YIPF6: variants seen among roughly 807,000 people sequenced by gnomAD.
YIPF6 encodes the protein Yip1 domain family member 6.
YIPF6 carries 3 observed loss-of-function variants against 16.8 expected under a neutral mutation model. The observed-to-expected ratio is 0.18, with a 90% CI of 0.08 to 0.46. YIPF6 has a LOEUF of 0.46. Ranked by LOEUF, YIPF6 falls within the 20% of genes least tolerant of loss-of-function variation. The probability of loss-of-function intolerance (pLI) is 0.98; values close to 1 mark genes in which losing one functional copy is unlikely to be tolerated. For synonymous variants in YIPF6, 67 were observed against 61.9 expected (o/e 1.08, Z -0.38); for missense variants, 145 against 184.9 (o/e 0.78, Z 1.25).
At position 68,526,388 on chromosome X, in the gene YIPF6, C is replaced by T. The variant is rs752655593; in HGVS notation, c.592+3471C>T. ...AGCTTAAGGAGATTATGGGCTGAGA[C>T]GATGGGGTTTTCTAAATATACAATC... On this transcript the variant is annotated intron_variant, in intron 6 of 6. Transcript: ENST00000462683. Among the ~76,000 whole-genome samples, 248 of 111,710 alleles carry T rather than the reference C, an allele frequency of 2.2e-3. 1 individual carries two copies. The highest frequency in any genetic ancestry group is 0.013 in the South Asian group (35 of 2,654).
Position 68,522,906 on chromosome X carries a change from G to C in YIPF6, c.581G>C (p.Trp194Ser). Residue 194 changes from tryptophan (W) to serine (S), a missense_variant, in exon 6 of 7, where the codon TGG becomes TCG. Physicochemically the swap from Trp to Ser is radical, Grantham distance 177 (BLOSUM62 -3). Coordinates refer to ENST00000462683, the MANE Select transcript of YIPF6 (RefSeq NM_173834.4). ...RLFVVIVMFA[W>S]SIVASTAFLA... ...TTTGTGGTGATTGTGATGTTTGCCTGGTCTATAGTTGGTAAGTATGTACTT... is the reference window on the plus strand; with the variant it reads ...TTTGTGGTGATTGTGATGTTTGCCTCGTCTATAGTTGGTAAGTATGTACTT... The C allele has an allele frequency of 8.3e-7, 1 of 1,209,883 alleles. No individual in the cohort carries two copies. The highest frequency in any genetic ancestry group is 1.8e-5 in the South Asian group (1 of 56,675).
intron 5 of YIPF6, among the ~76,000 whole-genome samples, 155 bp downstream of exon 5, chrX:68,521,652 C>A (rs1602464796): frequency 1.8e-5 from 2 of 108,614 alleles, no homozygotes; most frequent in South Asian, 4.1e-4. Flanking sequence ...TGGCTTACTG[C>A]AGCCTCTATC....
rs1448481116 is a variant in YIPF6, at chrX:68,533,187, A to G, written c.*1188A>G. On this transcript the variant is annotated 3_prime_UTR_variant, in exon 7 of 7. Coordinates refer to ENST00000462683, the MANE Select transcript of YIPF6 (RefSeq NM_173834.4). ...TATTGATTTTAGACTTTATCAAGCT[A>G]ATTAGCTCCCCTTTAGATAAGTACA... 4 of 111,723 alleles carry G rather than the reference A, an allele frequency of 3.6e-5. No individual in the cohort carries two copies. The highest frequency in any genetic ancestry group is 7.5e-5 in the Non-Finnish European group (4 of 53,166). 9.2% of individuals were successfully genotyped at this position (111,723 alleles called of 1,213,427 possible).
intron 6 of YIPF6, among the ~76,000 whole-genome samples, chrX:68,528,612 G>A (rs2079158913): frequency 8.9e-6 from 1 of 111,863 alleles, no homozygotes; most frequent in Non-Finnish European, 1.9e-5. Flanking sequence ...TTTTGCAGTG[G>A]CTGGTACTGG....
rs915766134 is a variant in YIPF6 at position 68,531,865 on chromosome X, G to A, written c.593-16G>A. ...TGTATTAAACATTCCTTTTTGTTTT[G>A]TCTTGTTTTGTTTAGCCTCCACAGC... On this transcript the variant is annotated splice_polypyrimidine_tract_variant and intron_variant, in intron 6 of 6. Coordinates refer to ENST00000462683, the MANE Select transcript of YIPF6 (RefSeq NM_173834.4). 4.6e-6 allele frequency: 5 copies of A among 1,091,783 alleles called. No individual in the cohort carries two copies. The highest frequency in any genetic ancestry group is 6.2e-6 in the Non-Finnish European group (5 of 807,716). 90.0% of individuals were successfully genotyped at this position (1,091,783 alleles called of 1,213,427 possible).
At chrX:68,521,641 A>G (rs941419594) in intron 5 of YIPF6, 144 bp downstream of exon 5, 6 of 579,298 alleles carry the variant, frequency 1.0e-5, no homozygotes, top group Non-Finnish European at 1.5e-5. Flanking sequence ...TGGTGTGATC[A>G]TGGCTTACTG....
rs953572474 is a variant in YIPF6, at chrX:68,526,773, C to T, written c.592+3856C>T. Among the ~76,000 whole-genome samples the T allele has an allele frequency of 3.0e-4, 33 of 111,795 alleles. 1 individual carries two copies. The highest frequency in any genetic ancestry group is 7.5e-4 in the African/African-American group (23 of 30,753). On this transcript the variant is annotated intron_variant, in intron 6 of 6. Transcript: ENST00000462683. ...TTGGTTCTGTTTATGTGATGAATTA[C>T]GTTTATTGATTTGCATATGTTGAAC... is the stretch of plus-strand genomic sequence containing the variant.
At chrX:68,524,621 A>G (rs1482687565) in intron 6 of YIPF6, among the ~76,000 whole-genome samples, 1 of 109,389 alleles carries the variant, frequency 9.1e-6, no homozygotes, top group African/African-American at 3.3e-5. Context: ...TGCTGCACCC[A>G]TCAACCCATC....
At chrX:68,511,740 T>C in intron 1 of YIPF6, 109 bp from the exon 2 acceptor site, 2 of 930,932 alleles carry the variant, frequency 2.1e-6, no homozygotes, top group South Asian at 2.9e-5. Flanking sequence ...TACTTTCCTA[T>C]GTAAAACCCT....
intron 6 of YIPF6, 42 bp downstream of exon 6, chrX:68,522,959 A>G: frequency 2.5e-6 from 3 of 1,196,719 alleles, no homozygotes; most frequent in Non-Finnish European, 3.4e-6. Flanking sequence ...ACAGACAAAA[A>G]CATGATTTAA....
Position 68,514,297 on chromosome X carries a change from C to A in YIPF6, c.265+892C>A, listed in dbSNP as rs771724928. 4.7e-5 allele frequency: 5 copies of A among 105,539 alleles called. No individual in the cohort carries two copies. In the Admixed American group the frequency reaches 5.2e-4, roughly 11 times the overall value. 8.7% of individuals were successfully genotyped at this position (105,539 alleles called of 1,213,427 possible). A position where few individuals can be genotyped will look rare whatever the true frequency, so the allele number is the denominator to read the frequency against. On this transcript the variant is annotated intron_variant, in intron 3 of 6. Transcript: ENST00000462683. ...ATGCTCTAGTGGTTACTACAAAATA[C>A]ATTTCTGGAGGCTGCTAATTTACAA...
intron 5 of YIPF6, among the ~76,000 whole-genome samples, 173 bp downstream of exon 5, chrX:68,521,670 C>G (rs1316961261): frequency 9.2e-6 from 1 of 108,748 alleles, no homozygotes; most frequent in Non-Finnish European, 1.9e-5. Flanking sequence ...ATCTCCCAGG[C>G]TCAGCGTCCC....
Position 68,515,686 on chromosome X carries a change from A to G in YIPF6, c.265+2281A>G, listed in dbSNP as rs891097441. Among the ~76,000 whole-genome samples the G allele has an allele frequency of 3.8e-5, 4 of 104,284 alleles. 1 individual carries two copies. Among genetic ancestry groups the G allele is most frequent in the African/African-American group, 1.4e-4 (4 of 29,239 alleles). The allele number at this position is 104,284 out of a possible 115,157, so 90.6% of individuals were successfully genotyped here. On this transcript the variant is annotated intron_variant, in intron 3 of 6. Coordinates refer to ENST00000462683, the MANE Select transcript of YIPF6 (RefSeq NM_173834.4). Reference sequence around the variant, plus strand: ...GTTATGGTTGACTTTTTTTTTTTTTAGAGACATGATCTTGTTCTGTCACTC... The same window carrying G: ...GTTATGGTTGACTTTTTTTTTTTTTGGAGACATGATCTTGTTCTGTCACTC...
chrX:68,513,071 T>C (rs774039144), intron 2 of YIPF6, among the ~76,000 whole-genome samples: 140 of 111,490 alleles, frequency 1.3e-3, no homozygotes, highest in African/African-American at 4.3e-3. Context: ...TTCTTTTTTA[T>C]GGATTTTTTC....
chrX:68,524,886 C>T (rs1487017350), intron 6 of YIPF6, among the ~76,000 whole-genome samples: 2 of 111,743 alleles, frequency 1.8e-5, no homozygotes, highest in East Asian at 2.8e-4. Flanking sequence ...TGTATATGTG[C>T]CACATTTTCT....
At chrX:68,526,566 A>G in intron 6 of YIPF6, among the ~76,000 whole-genome samples, 1 of 111,650 alleles carries the variant, frequency 9.0e-6, no homozygotes, top group South Asian at 3.8e-4. Context: ...TTCAAGGGGA[A>G]TGCTTCCAGC....
chrX:68,526,865 A>G (rs1263697609), intron 6 of YIPF6, among the ~76,000 whole-genome samples: 1 of 111,916 alleles, frequency 8.9e-6, no homozygotes, highest in East Asian at 2.8e-4. Flanking sequence ...ATGCTGCTGG[A>G]TTCAGTTTGC....
chrX:68,519,691 T>C (rs1482315455), intron 4 of YIPF6, among the ~76,000 whole-genome samples: 1 of 109,468 alleles, frequency 9.1e-6, no homozygotes, highest in East Asian at 2.9e-4. Flanking sequence ...GTAAAGGGAG[T>C]GGTTGAGGGT....
At chrX:68,524,502 A>AATAT (rs900171472) in intron 6 of YIPF6, among the ~76,000 whole-genome samples, 5 of 104,834 alleles carry the variant, frequency 4.8e-5, no homozygotes, top group Admixed American at 4.2e-4. Flanking sequence ...TTTGGCTAAA[A>AATAT]ATATATATAT....
Sources: gnomAD v4.1 joint callset for allele counts (sites outside exome capture counted in the v4.1 genomes callset) on GRCh38, gnomAD v4.1.1 for gene constraint, MANE v1.5 for transcripts, NCBI Gene and HGNC (gene_info 2026-07-23, HGNC 2026-07-21) for gene names.